The following TFAP4 variants were observed in gnomAD, a reference collection of about 807,000 sequenced individuals.
The protein encoded by TFAP4 is activating enhancer-binding protein 4.
A neutral mutation model predicts 40.4 loss-of-function variants in TFAP4; 7 were observed. The observed-to-expected ratio is 0.17, with a 90% CI of 0.10 to 0.33. The LOEUF (loss-of-function observed/expected upper bound fraction) is 0.33. Ranked by LOEUF, TFAP4 falls within the 10% of genes least tolerant of loss-of-function variation. The pLI, the probability that TFAP4 is intolerant of heterozygous loss-of-function variation, is 1.00. For missense variants in TFAP4, 374 were observed against 451.1 expected (o/e 0.83, Z 1.55); for synonymous variants, 218 against 181.4 (o/e 1.20, Z -1.62).
chr16:4,259,455 G>A (rs986000997), intron 6 of TFAP4, among the ~76,000 whole-genome samples: 12 of 152,114 alleles, frequency 7.9e-5, no homozygotes, highest in African/African-American at 2.7e-4. Context: ...GTATTTTAAA[G>A]CTTGCCTATT....
intron 1 of TFAP4, among the ~76,000 whole-genome samples, chr16:4,269,980 A>C (rs2053028750): frequency 6.6e-6 from 1 of 152,196 alleles, no homozygotes; most frequent in South Asian, 2.1e-4. Flanking sequence ...CAGGGGTTCG[A>C]GACCAGCCTG....
Position 4,262,367 on chromosome 16 carries a change from G to T in TFAP4, c.311C>A (p.Thr104Asn), listed in dbSNP as rs1022138540. ...EYIFSLEQEK[T>N]RLLQQNTQLK... The stretch of plus-strand genomic sequence containing the variant: ...CTGTGTGTTCTGCTGCAAGAGCCTG[G>T]TCTTCTCCTGCTCCAGGGAGAAGAT... Residue 104 changes from threonine to asparagine, a missense_variant, in exon 3 of 7, where the codon ACC (threonine) becomes AAC (asparagine). Around this residue, in one of 6 missense-constraint regions of TFAP4, gnomAD observed 51 missense variants for 91.1 expected, o/e 0.56. Transcript: ENST00000204517. The T allele has an allele frequency of 6.2e-7, 1 of 1,614,084 alleles. No homozygotes were observed. Among genetic ancestry groups the T allele is most frequent in the African/African-American group, 1.3e-5 (1 of 74,924 alleles).
intron 6 of TFAP4, 113 bp downstream of exon 6, chr16:4,259,977 T>A: frequency 7.3e-7 from 1 of 1,367,746 alleles, no homozygotes; most frequent in Non-Finnish European, 9.8e-7. Flanking sequence ...CTCCACCCCT[T>A]CCCACACAAG....
At chr16:4,259,120 AC>A (rs1308863128) in intron 6 of TFAP4, among the ~76,000 whole-genome samples, 1 of 151,562 alleles carries the variant, frequency 6.6e-6, no homozygotes, top group Admixed American at 6.6e-5. Flanking sequence ...AATAATATGG[AC>A]CTTTCATATG....
At position 4,272,555 on chromosome 16, in the gene TFAP4, G is replaced by A. The variant is rs571944961; in HGVS notation, c.89+103C>T. 13 of 778,324 alleles carry A rather than the reference G, an allele frequency of 1.7e-5. No individual in the cohort carries two copies. In the South Asian group the frequency reaches 3.4e-4, roughly 20 times the overall value. The allele number at this position is 778,324 out of a possible 1,614,324, so 48.2% of individuals were successfully genotyped here. On this transcript the variant is annotated intron_variant, in intron 1 of 6. Transcript: ENST00000204517. Reference sequence around the variant, plus strand: ...CCCGGCAGCTAAGAAAGGCTAGCGGGGTCGGCGGCGCGGGCCATGCGTGCG... The same window carrying A: ...CCCGGCAGCTAAGAAAGGCTAGCGGAGTCGGCGGCGCGGGCCATGCGTGCG...
intron 1 of TFAP4, 146 bp downstream of exon 1, chr16:4,272,512 G>C (rs974508708): frequency 4.9e-5 from 26 of 534,780 alleles, no homozygotes; most frequent in African/African-American, 4.4e-4. Flanking sequence ...CGGACCCGGC[G>C]TGTGGGGCTG....
At chr16:4,271,397 G>C (rs1368703092) in intron 1 of TFAP4, among the ~76,000 whole-genome samples, 1 of 152,236 alleles carries the variant, frequency 6.6e-6, no homozygotes, top group Non-Finnish European at 1.5e-5. Flanking sequence ...GGAGCAGCGC[G>C]GCAGGAAAGG....
chr16:4,259,950 C>T, intron 6 of TFAP4, 140 bp downstream of exon 6: 1 of 1,176,612 alleles, frequency 8.5e-7, no homozygotes. Flanking sequence ...GGACGGGGCC[C>T]CCCAAGGCTT....
chr16:4,257,842 C>G lies in TFAP4; in HGVS notation c.*213G>C, dbSNP rs1265658380. 2.0e-6 allele frequency: 1 copy of G among 503,666 alleles called. No individual in the cohort carries two copies. The highest frequency in any genetic ancestry group is 3.4e-6 in the Non-Finnish European group (1 of 290,540). The allele number at this position is 503,666 out of a possible 1,614,324, so 31.2% of individuals were successfully genotyped here. On this transcript the variant is annotated 3_prime_UTR_variant, in exon 7 of 7. Coordinates refer to ENST00000204517, the MANE Select transcript of TFAP4 (RefSeq NM_003223.3). The stretch of plus-strand genomic sequence containing the variant: ...GAGGCCCCGCCCTGGGGTGCCGATG[C>G]TCCCACACGCTCTGCGACACCCCAG...
chr16:4,262,990 G>C (rs141882803), intron 1 of TFAP4: 1 of 416,332 alleles, frequency 2.4e-6, no homozygotes, highest in African/African-American at 2.0e-5. Flanking sequence ...CCTAGGCAAC[G>C]TAGTGAGACC....
intron 1 of TFAP4, among the ~76,000 whole-genome samples, chr16:4,271,631 G>A (rs987094261): frequency 6.6e-6 from 1 of 152,196 alleles, no homozygotes; most frequent in Non-Finnish European, 1.5e-5. Flanking sequence ...GGCTTCTGGG[G>A]AGGCCTGCGG....
intron 1 of TFAP4, chr16:4,264,749 A>G (rs1454211061): frequency 1.3e-5 from 2 of 152,330 alleles, no homozygotes; most frequent in East Asian, 3.8e-4. Flanking sequence ...GCCTGGCACA[A>G]ACTCAGACCA....
rs556229680 is a variant in TFAP4, at chr16:4,262,644, C to T, written c.147G>A (p.Arg49=). 6 of 1,611,366 alleles carry T rather than the reference C, an allele frequency of 3.7e-6. No homozygotes were observed. The highest frequency in any genetic ancestry group is 5.1e-6 in the Non-Finnish European group (6 of 1,179,982). Residue 49 remains arginine (R), a synonymous_variant, in exon 2 of 7, where the codon CGG becomes CGA. Coordinates refer to ENST00000204517, the MANE Select transcript of TFAP4 (RefSeq NM_003223.3). Reference sequence around the variant, plus strand: ...GCTCGTTGCTGTTGGCGATCTCCCGCCGAATCCGCCGCTCCTGGTCCCGCT... The same window carrying T: ...GCTCGTTGCTGTTGGCGATCTCCCGTCGAATCCGCCGCTCCTGGTCCCGCT... ...ETQRDQERRI[R]REIANSNERR...
chr16:4,259,853 G>C (rs2052929624), intron 6 of TFAP4, among the ~76,000 whole-genome samples: 1 of 152,150 alleles, frequency 6.6e-6, no homozygotes. Flanking sequence ...TTGAGGGAAG[G>C]GACAGTCTTC....
chr16:4,261,040 C>G (rs1246689381), intron 4 of TFAP4, among the ~76,000 whole-genome samples: 6 of 152,208 alleles, frequency 3.9e-5, no homozygotes, highest in African/African-American at 1.4e-4. Flanking sequence ...ACAATCATGG[C>G]TCACTGCAGC....
At chr16:4,270,093 G>T (rs1298303841) in intron 1 of TFAP4, among the ~76,000 whole-genome samples, 1 of 152,070 alleles carries the variant, frequency 6.6e-6, no homozygotes, top group Non-Finnish European at 1.5e-5. Context: ...GCTGAGGCAG[G>T]AAAGTCGGTT....
intron 1 of TFAP4, among the ~76,000 whole-genome samples, chr16:4,271,334 T>C (rs906760702): frequency 1.3e-5 from 2 of 152,246 alleles, no homozygotes; most frequent in Non-Finnish European, 2.9e-5. Flanking sequence ...CCGCCCAGAC[T>C]GCCTCGGGCG....
chr16:4,272,572 A>T (rs1179010222), intron 1 of TFAP4, 86 bp downstream of exon 1: 10 of 993,942 alleles, frequency 1.0e-5, no homozygotes, highest in African/African-American at 3.6e-5. Flanking sequence ...GGCGCGGGCC[A>T]TGCGTGCGCA....
At chr16:4,258,448 A>G (rs2052917269) in intron 6 of TFAP4, 199 bp from the exon 7 acceptor site, 4 of 550,220 alleles carry the variant, frequency 7.3e-6, no homozygotes, top group Non-Finnish European at 1.3e-5. Context: ...AGCTCTCGCT[A>G]TATCACCCAG....
Sources: allele counts gnomAD v4.1 joint callset (sites outside exome capture counted in the v4.1 genomes callset), GRCh38; gene constraint gnomAD v4.1.1; regional missense constraint gnomAD v4.1.1; transcripts MANE v1.5; gene names NCBI Gene and HGNC (gene_info 2026-07-23, HGNC 2026-07-21).